The following RBFOX1 variants were observed in gnomAD, a reference collection of about 807,000 sequenced individuals.
RBFOX1 encodes RNA binding fox-1 homolog 1.
Under a neutral mutation model 57.7 loss-of-function variants are expected in RBFOX1, and 8 were observed. The ratio of observed to expected loss-of-function variants is 0.14; its 90% CI spans 0.08 to 0.25. The LOEUF (loss-of-function observed/expected upper bound fraction) is 0.25, where lower values mean the gene tolerates loss of function less well. RBFOX1 is among the 10% of genes least tolerant of loss of function. RBFOX1 has a pLI of 1.00. For missense variants in RBFOX1, 611 were observed against 548.5 expected, an observed-to-expected ratio of 1.11 and a Z score of -1.14; for synonymous variants, 326 against 222.4, an observed-to-expected ratio of 1.47 and a Z score of -4.15.
chr16:7,247,279 G>A (rs991072604), intron 4 of RBFOX1, among the ~76,000 whole-genome samples: 2 of 152,120 alleles, frequency 1.3e-5, no homozygotes, highest in African/African-American at 4.8e-5. Context: ...CATCACACTC[G>A]CTGCCGGTTA....
intron 1 of RBFOX1, among the ~76,000 whole-genome samples, chr16:6,238,157 T>A (rs2097521309): frequency 6.6e-6 from 1 of 151,706 alleles, no homozygotes; most frequent in Non-Finnish European, 1.5e-5. Context: ...TAGAAATGTC[T>A]GTGAAGTATC....
intron 1 of RBFOX1, among the ~76,000 whole-genome samples, chr16:6,159,207 G>C (rs1360110923): frequency 6.6e-6 from 1 of 152,162 alleles, no homozygotes; most frequent in East Asian, 1.9e-4. Flanking sequence ...CTCCCGAGTA[G>C]ATGGGTCTAT....
chr16:7,023,178 C>T (rs867246932), intron 3 of RBFOX1, among the ~76,000 whole-genome samples: 10 of 151,964 alleles, frequency 6.6e-5, no homozygotes, highest in Middle Eastern at 6.8e-3. Context: ...GAGGTAATGA[C>T]CATTATGAAA....
intron 3 of RBFOX1, among the ~76,000 whole-genome samples, chr16:6,740,540 A>G (rs761666217): frequency 6.6e-6 from 1 of 152,250 alleles, no homozygotes; most frequent in Non-Finnish European, 1.5e-5. Flanking sequence ...TTAGCTCACC[A>G]AAGTCACAGG....
intron 1 of RBFOX1, among the ~76,000 whole-genome samples, chr16:6,100,656 A>T (rs1405839008): frequency 6.6e-6 from 1 of 152,222 alleles, no homozygotes; most frequent in African/African-American, 2.4e-5. Context: ...TACTTTCCAT[A>T]CATTGATCTA....
At chr16:6,380,127 G>A (rs1003127860) in intron 2 of RBFOX1, among the ~76,000 whole-genome samples, 9 of 152,134 alleles carry the variant, frequency 5.9e-5, no homozygotes, top group African/African-American at 2.2e-4. Context: ...TGAGAGGTGG[G>A]GGAGGTTGAA....
chr16:6,553,914 C>T (rs529214647), intron 2 of RBFOX1, among the ~76,000 whole-genome samples: 12 of 152,186 alleles, frequency 7.9e-5, no homozygotes, highest in Admixed American at 4.6e-4. Flanking sequence ...CAACTTTGTA[C>T]CTAAATCATT....
intron 3 of RBFOX1, among the ~76,000 whole-genome samples, chr16:6,780,326 T>TAG (rs1567216015): frequency 4.7e-5 from 4 of 85,828 alleles, no homozygotes; most frequent in African/African-American, 1.8e-4. Flanking sequence ...TTCATATTTA[T>TAG]ATATATTTAT....
chr16:6,773,737 G>A (rs2078854672), intron 3 of RBFOX1: 1 of 147,768 alleles, frequency 6.8e-6, no homozygotes, highest in Non-Finnish European at 1.5e-5. Flanking sequence ...GGTGTGGGGT[G>A]CATTTCTGTG....
chr16:5,589,718 A>T (rs903281506), intron 2 of RBFOX1, among the ~76,000 whole-genome samples: 2 of 152,162 alleles, frequency 1.3e-5, no homozygotes, highest in Non-Finnish European at 2.9e-5. Context: ...CCTCATTTTA[A>T]GTAATTTAAC....
At chr16:6,715,513 C>A (rs1050978829) in intron 3 of RBFOX1, among the ~76,000 whole-genome samples, 3 of 152,120 alleles carry the variant, frequency 2.0e-5, no homozygotes, top group African/African-American at 4.8e-5. Context: ...TGTGTCCCAA[C>A]CAATTTATTC....
chr16:6,898,885 TAC>T (rs2067672241), intron 3 of RBFOX1, among the ~76,000 whole-genome samples: 2 of 111,404 alleles, frequency 1.8e-5, no homozygotes, highest in African/African-American at 8.4e-5. Flanking sequence ...ACGTGTATAA[TAC>T]GTGTGTGCAT....
chr16:6,121,336 C>A (rs1318380389), intron 1 of RBFOX1, among the ~76,000 whole-genome samples: 3 of 152,176 alleles, frequency 2.0e-5, no homozygotes, highest in African/African-American at 7.2e-5. Flanking sequence ...GGGTGTGATA[C>A]AAGCTGGCCT....
chr16:7,327,161 G>T (rs1047888508), intron 4 of RBFOX1, among the ~76,000 whole-genome samples: 3 of 152,132 alleles, frequency 2.0e-5, no homozygotes, highest in African/African-American at 7.2e-5. Flanking sequence ...AAGCTGTCAT[G>T]GAACATTTGA....
chr16:7,685,901 C>G (rs1022375336), intron 14 of RBFOX1, among the ~76,000 whole-genome samples: 20 of 151,952 alleles, frequency 1.3e-4, no homozygotes, highest in African/African-American at 4.8e-4. Context: ...GCTGTTGATA[C>G]AGAGAATAGG....
At chr16:6,697,630 A>C (rs1331380344) in intron 3 of RBFOX1, among the ~76,000 whole-genome samples, 1 of 152,190 alleles carries the variant, frequency 6.6e-6, no homozygotes, top group Non-Finnish European at 1.5e-5. Context: ...ATGTGGGAGC[A>C]CCAAGCCAAG....
chr16:6,508,668 C>G lies in RBFOX1; in HGVS notation c.-63-145935C>G, dbSNP rs182014879. On this transcript the variant is annotated intron_variant, in intron 2 of 15. Coordinates refer to ENST00000550418, the MANE Select transcript of RBFOX1 (RefSeq NM_018723.4). Reference sequence around the variant, plus strand: ...TCTCTCTCTCCTGCTTACCGTAAAACATGGCAAGGTCATTCCATCCTTTGC... The same window carrying G: ...TCTCTCTCTCCTGCTTACCGTAAAAGATGGCAAGGTCATTCCATCCTTTGC... Among the ~76,000 whole-genome samples, 46 of 152,180 alleles carry G rather than the reference C, an allele frequency of 3.0e-4. No individual in the cohort carries two copies. The East Asian group carries it at 7.9e-3, about 26-fold the overall frequency.
At chr16:6,798,046 T>G (rs1339837985) in intron 3 of RBFOX1, among the ~76,000 whole-genome samples, 1 of 152,084 alleles carries the variant, frequency 6.6e-6, no homozygotes, top group Non-Finnish European at 1.5e-5. Flanking sequence ...TTGATAGTGA[T>G]AAAACCCAAC....
intron 4 of RBFOX1, among the ~76,000 whole-genome samples, chr16:5,998,482 C>T (rs574668453): frequency 5.9e-5 from 9 of 152,320 alleles, no homozygotes; most frequent in African/African-American, 1.7e-4. Context: ...GAAGAGGCTT[C>T]GGACATTTCT....
Sources: allele counts gnomAD v4.1 joint callset (sites outside exome capture counted in the v4.1 genomes callset), GRCh38; gene constraint gnomAD v4.1.1; transcripts MANE v1.5; gene names NCBI Gene and HGNC (gene_info 2026-07-23, HGNC 2026-07-21).